TNNT1: variants seen among roughly 807,000 people sequenced by gnomAD.
The protein encoded by TNNT1 is troponin T, slow skeletal muscle.
TNNT1 carries 53 observed loss-of-function variants against 50.6 expected under a neutral mutation model. The ratio of observed to expected loss-of-function variants is 1.05; its 90% CI spans 0.84 to 1.32. TNNT1 has a LOEUF of 1.32. Ranked by LOEUF, TNNT1 falls within the 40% of genes most tolerant of loss-of-function variation. The probability of loss-of-function intolerance (pLI) is 0.00; values close to 1 mark genes in which losing one functional copy is unlikely to be tolerated. For missense variants in TNNT1, 348 were observed against 381.7 expected (o/e 0.91, Z 0.74); for synonymous variants, 142 against 138.0 (o/e 1.03, Z -0.20).
Position 55,140,883 on chromosome 19 carries a change from C to T in TNNT1, c.387G>A (p.Ala129=), listed in dbSNP as rs1415980730. The T allele has an allele frequency of 3.7e-6, 6 of 1,613,218 alleles. No individual in the cohort carries two copies. The highest frequency in any genetic ancestry group is 5.1e-6 in the Non-Finnish European group (6 of 1,179,954). The stretch of plus-strand genomic sequence containing the variant: ...CTCTCAGGGCAGGGGAGGCACCCAC[C>T]GCCAGCTTAGCCTGACGTTCGCGTT... The part of the protein sequence containing the change: ...EKERERQAKL[A]EEKMRKEEEE... The change falls in exon 9 of 14, where the codon GCG becomes GCA. Residue 129 remains alanine (A), a splice_region_variant and synonymous_variant. Transcript: ENST00000588981.
chr19:55,138,242 G>A (rs950058846), intron 9 of TNNT1, among the ~76,000 whole-genome samples, 168 bp from the exon 10 acceptor site: 7 of 151,442 alleles, frequency 4.6e-5, no homozygotes, highest in African/African-American at 9.7e-5. Flanking sequence ...GCCCTGCCAC[G>A]TCTCCCCGTG....
Position 55,133,731 on chromosome 19 carries a change from C to A in TNNT1, c.791+156G>T, listed in dbSNP as rs559673218. On this transcript the variant is annotated intron_variant, in intron 13 of 13. Transcript: ENST00000588981. Reference sequence around the variant, plus strand: ...GAAAAAGGAACTGAGACCCAGGATTCCGAGAGCAGAGAGAGGAGGACAGAG... The same window carrying A: ...GAAAAAGGAACTGAGACCCAGGATTACGAGAGCAGAGAGAGGAGGACAGAG... 75 of 825,106 alleles carry A rather than the reference C, an allele frequency of 9.1e-5. No homozygotes were observed. In the African/African-American group the frequency reaches 1.2e-3, roughly 13 times the overall value. The allele number at this position is 825,106 out of a possible 1,614,324, so 51.1% of individuals were successfully genotyped here.
Position 55,137,499 on chromosome 19 carries a change from G to A in TNNT1, c.502-287C>T, listed in dbSNP as rs79204375. On this transcript the variant is annotated intron_variant, in intron 10 of 13. Coordinates refer to ENST00000588981, the MANE Select transcript of TNNT1 (RefSeq NM_003283.6). ...CCCCAGCCCCTCCTCCCTCAGCCCA[G>A]GAGTCCAGACCCCAGCCCCTCCTCC... Among the ~76,000 whole-genome samples, 133 of 99,952 alleles carry A rather than the reference G, an allele frequency of 1.3e-3. 1 individual carries two copies. Among genetic ancestry groups the A allele is most frequent in the African/African-American group, 4.6e-3 (115 of 25,076 alleles). 65.6% of individuals were successfully genotyped at this position (99,952 alleles called of 152,430 possible).
At chr19:55,138,703 C>A (rs114884099) in intron 9 of TNNT1, among the ~76,000 whole-genome samples, 91 of 152,308 alleles carry the variant, frequency 6.0e-4, no homozygotes, top group Middle Eastern at 6.8e-3. Flanking sequence ...CGACCTCACT[C>A]CAGATGCTCA....
chr19:55,147,257 G>T (rs2085578418), intron 1 of TNNT1, 89 bp from the exon 2 acceptor site: 2 of 1,303,974 alleles, frequency 1.5e-6, no homozygotes, highest in Admixed American at 3.9e-5. Flanking sequence ...AGGGGCTGGG[G>T]GCCTGGACTC....
chr19:55,140,992 G>C, intron 8 of TNNT1, 32 bp from the exon 9 acceptor site: 2 of 1,605,730 alleles, frequency 1.2e-6, no homozygotes, highest in Non-Finnish European at 1.7e-6. Context: ...GGGGGTGCAG[G>C]GACGTACCCC....
Position 55,147,187 on chromosome 19 carries a change from A to G in TNNT1, c.-11-19T>C. On this transcript the variant is annotated intron_variant, in intron 1 of 13. Coordinates refer to ENST00000588981, the MANE Select transcript of TNNT1 (RefSeq NM_003283.6). ...GTGCGGCCTAAGGACCAGAGAGAAG[A>G]GGCCCAGTGGGGTGGGGCCCCAAGG... 3 of 1,612,162 alleles carry G rather than the reference A, an allele frequency of 1.9e-6. No individual in the cohort carries two copies. In the South Asian group the frequency reaches 3.3e-5, roughly 18 times the overall value.
At chr19:55,146,728 G>T in intron 3 of TNNT1, 21 bp from the exon 4 acceptor site, 1 of 1,498,624 alleles carries the variant, frequency 6.7e-7, no homozygotes, top group Non-Finnish European at 8.9e-7. Context: ...GGGCACAGAA[G>T]AGAAGGCGTT....
At chr19:55,144,857 G>T (rs77416990) in intron 6 of TNNT1, among the ~76,000 whole-genome samples, 2 of 152,260 alleles carry the variant, frequency 1.3e-5, no homozygotes, top group African/African-American at 4.8e-5. Flanking sequence ...GAGCAGAGGA[G>T]GGGCAGGGTT....
At chr19:55,136,599 T>C (rs1253069639) in intron 11 of TNNT1, among the ~76,000 whole-genome samples, 3 of 152,084 alleles carry the variant, frequency 2.0e-5, no homozygotes, top group African/African-American at 7.2e-5. Context: ...TCTGGGGTGG[T>C]TGAAGTTTCT....
At chr19:55,145,622 T>A in intron 5 of TNNT1, 57 bp from the exon 6 acceptor site, 1 of 1,582,024 alleles carries the variant, frequency 6.3e-7, no homozygotes, top group Non-Finnish European at 8.7e-7. Context: ...GGAGAGGGGC[T>A]AGGCCTGACA....
intron 6 of TNNT1, chr19:55,145,320 AAGG>A: frequency 3.4e-6 from 2 of 591,832 alleles, no homozygotes; most frequent in Non-Finnish European, 6.0e-6. Context: ...GGGGAAGGAG[AAGG>A]AGAAGGGGAA....
chr19:55,146,342 G>A (rs1237246194), intron 5 of TNNT1, 92 bp downstream of exon 5: 1 of 860,288 alleles, frequency 1.2e-6, no homozygotes, highest in Non-Finnish European at 1.6e-6. Flanking sequence ...CGGAGGGAGG[G>A]AAGGGTGGTC....
rs143846194 is a variant in TNNT1 at position 55,135,400 on chromosome 19, C to A, written c.612-1196G>T. 7.4e-4 allele frequency: 168 copies of A among 228,534 alleles called. 1 individual carries two copies. The highest frequency in any genetic ancestry group is 4.1e-3 in the African/African-American group (152 of 36,934). The allele number at this position is 228,534 out of a possible 1,614,324, so 14.2% of individuals were successfully genotyped here. A position where few individuals can be genotyped will look rare whatever the true frequency, so the allele number is the denominator to read the frequency against. On this transcript the variant is annotated intron_variant, in intron 11 of 13. Coordinates refer to ENST00000588981, the MANE Select transcript of TNNT1 (RefSeq NM_003283.6). ...CCTTTCCTTCCTTCCTTCCTTCCTTCTTTTCTTTCTTTTCTTTTTTTTTTG... is the reference window on the plus strand; with the variant it reads ...CCTTTCCTTCCTTCCTTCCTTCCTTATTTTCTTTCTTTTCTTTTTTTTTTG...
chr19:55,139,179 T>C (rs1221106260), intron 9 of TNNT1, among the ~76,000 whole-genome samples: 2 of 152,130 alleles, frequency 1.3e-5, no homozygotes, highest in Non-Finnish European at 1.5e-5. Flanking sequence ...TTTGTATTTT[T>C]AGTACAAACA....
chr19:55,135,525 C>CTTT (rs35798514), intron 11 of TNNT1: 205 of 171,738 alleles, frequency 1.2e-3, no homozygotes, highest in South Asian at 4.9e-3. Context: ...TCACCTCAGC[C>CTTT]TTTTTTTTTT....
At chr19:55,133,971 T>A (rs2085296375) in intron 12 of TNNT1, 44 bp from the exon 13 acceptor site, 1 of 1,579,486 alleles carries the variant, frequency 6.3e-7, no homozygotes, top group Non-Finnish European at 8.6e-7. Flanking sequence ...GGTGGGGACG[T>A]GGGGACGGGC....
intron 5 of TNNT1, among the ~76,000 whole-genome samples, chr19:55,146,088 G>A (rs923663879): frequency 3.3e-5 from 5 of 151,676 alleles, no homozygotes; most frequent in Non-Finnish European, 7.4e-5. Flanking sequence ...ATGTATATGG[G>A]GGAGAAAATA....
intron 9 of TNNT1, among the ~76,000 whole-genome samples, chr19:55,138,433 G>C (rs971091543): frequency 1.3e-5 from 2 of 152,028 alleles, no homozygotes; most frequent in African/African-American, 4.8e-5. Context: ...ACCCGCCACC[G>C]CGCCCAACTA....
Sources: gnomAD v4.1 joint callset for allele counts (sites outside exome capture counted in the v4.1 genomes callset) on GRCh38, gnomAD v4.1.1 for gene constraint, MANE v1.5 for transcripts, NCBI Gene and HGNC (gene_info 2026-07-23, HGNC 2026-07-21) for gene names.